Variants in CHN2 observed in about 807,000 individuals in gnomAD.
CHN2 encodes beta-chimaerin.
Under a neutral mutation model 56.3 loss-of-function variants are expected in CHN2, and 35 were observed. That is an observed-to-expected ratio of 0.62 (90% CI 0.47 to 0.82). CHN2 has a LOEUF of 0.82. CHN2 is among the 40% of genes least tolerant of loss of function. The pLI is 0.00. For synonymous variants in CHN2, 210 were observed against 212.8 expected, an observed-to-expected ratio of 0.99 and a Z score of 0.12; for missense variants, 491 against 580.5, an observed-to-expected ratio of 0.85 and a Z score of 1.58.
At chr7:29,319,353 A>G (rs757718777) in intron 1 of CHN2, among the ~76,000 whole-genome samples, 6 of 152,124 alleles carry the variant, frequency 3.9e-5, no homozygotes, top group Non-Finnish European at 8.8e-5. Flanking sequence ...TGATTTCTAC[A>G]TGTTGAGGGG....
chr7:29,348,931 T>A (rs932830061), intron 1 of CHN2, among the ~76,000 whole-genome samples: 1 of 152,178 alleles, frequency 6.6e-6, no homozygotes, highest in African/African-American at 2.4e-5. Flanking sequence ...ATTGCCTCCT[T>A]GATAATTTCT....
chr7:29,480,067 T>G, intron 6 of CHN2: 1 of 1,547,642 alleles, frequency 6.5e-7, no homozygotes, highest in African/African-American at 1.4e-5. Flanking sequence ...CAGGGCTTCC[T>G]GGGCTCTGCA....
chr7:29,304,399 T>G (rs1793973902), intron 1 of CHN2, among the ~76,000 whole-genome samples: 3 of 152,134 alleles, frequency 2.0e-5, no homozygotes, highest in African/African-American at 7.2e-5. Context: ...CTTAGCCAAA[T>G]TGTAATTGTA....
intron 3 of CHN2, among the ~76,000 whole-genome samples, chr7:29,380,025 A>G (rs1294215915): frequency 6.6e-6 from 1 of 152,192 alleles, no homozygotes; most frequent in East Asian, 1.9e-4. Context: ...TACAATATAG[A>G]GCAATGAGTG....
intron 1 of CHN2, among the ~76,000 whole-genome samples, chr7:29,344,789 A>C (rs1797301921): frequency 6.6e-6 from 1 of 152,192 alleles, no homozygotes; most frequent in African/African-American, 2.4e-5. Context: ...TACTCAAGGC[A>C]GAGGTGATCC....
chr7:29,158,978 C>T (rs1483191034), intron 2 of CHN2, among the ~76,000 whole-genome samples: 1 of 152,152 alleles, frequency 6.6e-6, no homozygotes, highest in East Asian at 1.9e-4. Context: ...ATCGAAATAT[C>T]CTATGTAGTT....
intron 1 of CHN2, among the ~76,000 whole-genome samples, chr7:29,217,309 A>G (rs12700942): frequency 0.14 from 20,829 of 152,252 alleles, 1,811 homozygotes; most frequent in Non-Finnish European, 0.2. Flanking sequence ...TGTAAGACTC[A>G]GCATGTTTTT....
chr7:29,315,521 T>A (rs1421581594), intron 1 of CHN2, among the ~76,000 whole-genome samples: 1 of 152,180 alleles, frequency 6.6e-6, no homozygotes, highest in East Asian at 1.9e-4. Context: ...GCTCCCTGAA[T>A]GAATAAAATA....
intron 6 of CHN2, among the ~76,000 whole-genome samples, chr7:29,433,082 T>C (rs1782966201): frequency 6.6e-6 from 1 of 152,236 alleles, no homozygotes; most frequent in African/African-American, 2.4e-5. Context: ...TTTAGGGCTA[T>C]TTCTTTCATT....
intron 9 of CHN2, among the ~76,000 whole-genome samples, chr7:29,503,357 A>T (rs552110816): frequency 6.6e-6 from 1 of 152,244 alleles, no homozygotes; most frequent in Non-Finnish European, 1.5e-5. Flanking sequence ...ATCCATCAAC[A>T]GGCAGGGTTC....
In CHN2 at chr7:29,267,423, T is replaced by C. The variant is rs142870629; in HGVS notation, c.49+72433T>C. Reference sequence around the variant, plus strand: ...ACACCTGGCTAATTTTTTGTATTTTTAGTAGAGACAGGGTTTCACCATGTT... The same window carrying C: ...ACACCTGGCTAATTTTTTGTATTTTCAGTAGAGACAGGGTTTCACCATGTT... On this transcript the variant is annotated intron_variant, in intron 1 of 12. Transcript: ENST00000222792. 4.7e-3 allele frequency among the ~76,000 whole-genome samples: 720 copies of C among 152,048 alleles called. 4 individuals carry two copies. The highest frequency in any genetic ancestry group is 0.017 in the African/African-American group (691 of 41,470).
chr7:29,360,425 G>T (rs1798646630), intron 2 of CHN2, among the ~76,000 whole-genome samples: 1 of 152,188 alleles, frequency 6.6e-6, no homozygotes, highest in Non-Finnish European at 1.5e-5. Context: ...GGAGGCTGAG[G>T]CAGGAGAATC....
intron 7 of CHN2, among the ~76,000 whole-genome samples, chr7:29,485,797 A>T (rs541629652): frequency 6.6e-5 from 10 of 152,114 alleles, no homozygotes; most frequent in South Asian, 2.1e-4. Context: ...GAGCCATCAG[A>T]GTCTCCTGAG....
intron 7 of CHN2, among the ~76,000 whole-genome samples, chr7:29,486,536 G>A (rs543539070): frequency 1.2e-4 from 19 of 152,260 alleles, no homozygotes; most frequent in Admixed American, 3.9e-4. Context: ...GGGAGCGGGC[G>A]GGTAAGGGGG....
intron 1 of CHN2, among the ~76,000 whole-genome samples, chr7:29,256,838 AC>A (rs767995351): frequency 2.8e-4 from 42 of 152,194 alleles, no homozygotes; most frequent in Admixed American, 1.7e-3. Context: ...ATCCAAACCT[AC>A]CTACAGGGCC....
At chr7:29,417,460 C>G (rs895440331) in intron 6 of CHN2, among the ~76,000 whole-genome samples, 5 of 151,658 alleles carry the variant, frequency 3.3e-5, no homozygotes, top group African/African-American at 9.7e-5. Context: ...CTCAGCCTCC[C>G]GAGTAGCTAG....
At chr7:29,199,114 G>A (rs542834437) in intron 1 of CHN2, among the ~76,000 whole-genome samples, 3 of 152,182 alleles carry the variant, frequency 2.0e-5, no homozygotes, top group Non-Finnish European at 2.9e-5. Flanking sequence ...TGTGGGCCAG[G>A]TAAATCATGC....
chr7:29,477,302 T>C (rs1254676605), intron 6 of CHN2, among the ~76,000 whole-genome samples: 2 of 152,178 alleles, frequency 1.3e-5, no homozygotes, highest in Non-Finnish European at 2.9e-5. Context: ...ATTGAATCAA[T>C]AGCTGAAAAA....
Position 29,414,393 on chromosome 7 carries a change from G to A in CHN2, c.576+13565G>A, listed in dbSNP as rs533997074. On this transcript the variant is annotated intron_variant, in intron 6 of 12. Coordinates refer to ENST00000222792, the MANE Select transcript of CHN2 (RefSeq NM_004067.4). ...CAAGGAAAGGAAGAAGTGCTAGCAC[G>A]CACGGGGTATTGACCACATACCACG... 2.6e-5 allele frequency among the ~76,000 whole-genome samples: 4 copies of A among 152,146 alleles called. No individual in the cohort carries two copies. The South Asian group carries it at 6.2e-4, about 24-fold the overall frequency.
Sources: allele counts gnomAD v4.1 joint callset (sites outside exome capture counted in the v4.1 genomes callset), GRCh38; gene constraint gnomAD v4.1.1; transcripts MANE v1.5; gene names NCBI Gene and HGNC (gene_info 2026-07-23, HGNC 2026-07-21).